TMEM26: variants seen among roughly 807,000 people sequenced by gnomAD.
The protein encoded by TMEM26 is transmembrane protein 26.
A neutral mutation model predicts 28.8 loss-of-function variants in TMEM26; 38 were observed. The observed-to-expected ratio is 1.32, with a 90% CI of 1.02 to 1.73. The LOEUF (loss-of-function observed/expected upper bound fraction) is 1.73, where lower values mean the gene tolerates loss of function less well. Among genes scored for constraint, TMEM26 ranks in the 40% most tolerant of loss-of-function variants. The pLI is 0.00. For synonymous variants in TMEM26, 227 were observed against 182.9 expected (o/e 1.24, Z -1.95); for missense variants, 518 against 447.1 (o/e 1.16, Z -1.43).
At chr10:61,423,906 C>A (rs191453424) in intron 4 of TMEM26, among the ~76,000 whole-genome samples, 82 of 152,188 alleles carry the variant, frequency 5.4e-4, no homozygotes, top group African/African-American at 1.9e-3. Context: ...AAATTTAACA[C>A]CCACCAAAAA....
chr10:61,444,546 CT>C (rs1840147566), intron 1 of TMEM26, among the ~76,000 whole-genome samples: 1 of 151,402 alleles, frequency 6.6e-6, no homozygotes, highest in Non-Finnish European at 1.5e-5. Context: ...AAGAGTGTAT[CT>C]GAGCCAGACA....
chr10:61,428,939 C>T lies in TMEM26; in HGVS notation c.592G>A (p.Glu198Lys), dbSNP rs777038726. The T allele has an allele frequency of 1.2e-5, 20 of 1,612,802 alleles. No homozygotes were observed. Among genetic ancestry groups the T allele is most frequent in the Non-Finnish European group, 1.7e-5 (20 of 1,179,280 alleles). The change falls in exon 4 of 6, where the codon GAA becomes AAA. Residue 198 changes from glutamate to lysine, a missense_variant. Glu to Lys is a moderately conservative substitution (Grantham distance 56). Transcript: ENST00000399298. Reference protein sequence around the residue: ...ILEFTSETLEEQNVRNSPALV... With the variant: ...ILEFTSETLEKQNVRNSPALV... ...AGGAATGCTCACCTCACATTTTGTT[C>T]TTCTAGGGTCTCACTTGTGAATTCC... is the stretch of plus-strand genomic sequence containing the variant.
chr10:61,440,236 A>T (rs1840069978), intron 1 of TMEM26, among the ~76,000 whole-genome samples: 1 of 151,984 alleles, frequency 6.6e-6, no homozygotes, highest in Admixed American at 6.6e-5. Flanking sequence ...TGAGACTCTG[A>T]CTCAAAAAAA....
In TMEM26 at chr10:61,429,020, G is replaced by C. The variant is rs1367894824; in HGVS notation, c.511C>G (p.Arg171Gly). The C allele has an allele frequency of 1.2e-6, 2 of 1,613,154 alleles. No homozygotes were observed. The highest frequency in any genetic ancestry group is 1.7e-6 in the Non-Finnish European group (2 of 1,179,446). The change falls in exon 4 of 6, where the codon CGA becomes GGA. Residue 171 changes from arginine to glycine, a missense_variant. Transcript: ENST00000399298. The stretch of plus-strand genomic sequence containing the variant: ...AGAAGAAGTTGAGAGAGTTGATCTC[G>C]AGTGATCCCGCCTCCAATGGGTAGA... ...WLLPIGGGIT[R>G]DQLSQLLLMF...
chr10:61,426,646 A>G (rs903213137), intron 4 of TMEM26, among the ~76,000 whole-genome samples: 1 of 152,152 alleles, frequency 6.6e-6, no homozygotes, highest in African/African-American at 2.4e-5. Flanking sequence ...AGCCTAAACT[A>G]TGGAATAAAA....
chr10:61,450,387 TG>T (rs1840256545), intron 1 of TMEM26, among the ~76,000 whole-genome samples: 1 of 152,136 alleles, frequency 6.6e-6, no homozygotes, highest in Non-Finnish European at 1.5e-5. Flanking sequence ...TTCCCCAAAT[TG>T]AACGTTTTTT....
intron 4 of TMEM26, among the ~76,000 whole-genome samples, chr10:61,418,010 A>G (rs1198915691): frequency 6.6e-6 from 1 of 152,116 alleles, no homozygotes; most frequent in Non-Finnish European, 1.5e-5. Flanking sequence ...TTCAGGTAAG[A>G]ACAGTGGGAA....
At chr10:61,417,687 C>T (rs967584133) in intron 4 of TMEM26, among the ~76,000 whole-genome samples, 1 of 151,818 alleles carries the variant, frequency 6.6e-6, no homozygotes, top group African/African-American at 2.4e-5. Flanking sequence ...GTTAGTAATG[C>T]TGTGAGAATA....
intron 4 of TMEM26, among the ~76,000 whole-genome samples, chr10:61,415,314 C>T (rs575644965): frequency 6.6e-6 from 1 of 152,038 alleles, no homozygotes; most frequent in East Asian, 1.9e-4. Flanking sequence ...GGTTGCTTCA[C>T]AAGAAATATA....
intron 4 of TMEM26, among the ~76,000 whole-genome samples, chr10:61,417,857 G>T (rs1224160220): frequency 3.3e-5 from 5 of 151,980 alleles, no homozygotes; most frequent in Non-Finnish European, 2.9e-5. Context: ...AAATGAAAAG[G>T]TCAGCAAATC....
intron 4 of TMEM26, among the ~76,000 whole-genome samples, chr10:61,426,622 C>G (rs1839837422): frequency 6.6e-6 from 1 of 152,000 alleles, no homozygotes; most frequent in African/African-American, 2.4e-5. Context: ...TGTAGGCTTT[C>G]TCCTAAATCT....
intron 4 of TMEM26, among the ~76,000 whole-genome samples, chr10:61,416,422 C>T (rs373250984): frequency 2.6e-4 from 39 of 152,018 alleles, no homozygotes; most frequent in African/African-American, 8.9e-4. Context: ...TTAACATCTG[C>T]ATGCTTTAGT....
chr10:61,417,603 T>A (rs191553875), intron 4 of TMEM26, among the ~76,000 whole-genome samples: 1 of 151,994 alleles, frequency 6.6e-6, no homozygotes, highest in Non-Finnish European at 1.5e-5. Flanking sequence ...GCCTCAACTC[T>A]GCAAAATAAA....
At chr10:61,438,962 G>C (rs1286664645) in intron 1 of TMEM26, among the ~76,000 whole-genome samples, 1 of 152,102 alleles carries the variant, frequency 6.6e-6, no homozygotes, top group Admixed American at 6.5e-5. Flanking sequence ...ATCATATTGA[G>C]GGCCCAAGAA....
In TMEM26 at chr10:61,451,374, A is replaced by C. The variant is rs1163195716; in HGVS notation, c.191+1517T>G. Among the ~76,000 whole-genome samples the C allele has an allele frequency of 2.0e-5, 3 of 152,242 alleles. No homozygotes were observed. In the East Asian group the frequency reaches 5.8e-4, roughly 29 times the overall value. ...TCTTCTGAGGCTGAAGGTCTCCTAG[A>C]AACTCTGGCGGTTGGTGGCAGGACT... On this transcript the variant is annotated intron_variant, in intron 1 of 5. Transcript: ENST00000399298.
rs115647710 is a variant in TMEM26, at chr10:61,451,584, T to C, written c.191+1307A>G. Among the ~76,000 whole-genome samples the C allele has an allele frequency of 9.4e-3, 1,426 of 152,286 alleles. 21 individuals are homozygous for C. Among genetic ancestry groups the C allele is most frequent in the African/African-American group, 0.032 (1,343 of 41,546 alleles). ...AGGCTTACTTGGGAAACTAACACCATTTTTCTTTGAGATTTCCAAAAGGCA... is the reference window on the plus strand; with the variant it reads ...AGGCTTACTTGGGAAACTAACACCACTTTTCTTTGAGATTTCCAAAAGGCA... On this transcript the variant is annotated intron_variant, in intron 1 of 5. Transcript: ENST00000399298.
At position 61,433,956 on chromosome 10, in the gene TMEM26, T is replaced by C. The variant is rs532349394; in HGVS notation, c.270+2214A>G. ...GATCCTCGTCTTTAAAATAGAAATG[T>C]ATGTATCATGCCTAACCTATGGAGT... On this transcript the variant is annotated intron_variant, in intron 2 of 5. Transcript: ENST00000399298. 2.6e-4 allele frequency among the ~76,000 whole-genome samples: 40 copies of C among 152,256 alleles called. 1 individual carries two copies. Among genetic ancestry groups the C allele is most frequent in the Admixed American group, 1.4e-3 (21 of 15,288 alleles).
chr10:61,420,649 C>G (rs1350234574), intron 4 of TMEM26, among the ~76,000 whole-genome samples: 1 of 150,798 alleles, frequency 6.6e-6, no homozygotes, highest in East Asian at 1.9e-4. Context: ...ATATGAAAAA[C>G]CTGTCAACCA....
At chr10:61,426,988 G>A (rs1233459108) in intron 4 of TMEM26, among the ~76,000 whole-genome samples, 2 of 151,928 alleles carry the variant, frequency 1.3e-5, no homozygotes, top group African/African-American at 4.8e-5. Context: ...TTGGGACAGT[G>A]GATATCTGAG....
Sources: gnomAD v4.1 joint callset for allele counts (sites outside exome capture counted in the v4.1 genomes callset) on GRCh38, gnomAD v4.1.1 for gene constraint, MANE v1.5 for transcripts, NCBI Gene and HGNC (gene_info 2026-07-23, HGNC 2026-07-21) for gene names.